The following ITGBL1 variants were observed in gnomAD, a reference collection of about 807,000 sequenced individuals.
ITGBL1 encodes integrin subunit beta like 1.
Under a neutral mutation model 68.5 loss-of-function variants are expected in ITGBL1, and 51 were observed. That is an observed-to-expected ratio of 0.74 (90% confidence interval 0.59 to 0.94). The LOEUF (loss-of-function observed/expected upper bound fraction) is 0.94. Ranked by LOEUF, ITGBL1 falls within the 40% of genes least tolerant of loss-of-function variation. ITGBL1 has a pLI of 0.00. For synonymous variants in ITGBL1, 209 were observed against 227.3 expected (o/e 0.92, Z 0.72); for missense variants, 649 against 647.4 (o/e 1.00, Z -0.03).
At chr13:101,698,577 A>G (rs769307625) in intron 8 of ITGBL1, among the ~76,000 whole-genome samples, 5 of 152,230 alleles carry the variant, frequency 3.3e-5, no homozygotes, top group Non-Finnish European at 5.9e-5. Flanking sequence ...TTCAATCATC[A>G]TAGACTGTCT....
chr13:101,596,739 C>T (rs1189250115), intron 6 of ITGBL1, among the ~76,000 whole-genome samples: 4 of 151,900 alleles, frequency 2.6e-5, no homozygotes, highest in Non-Finnish European at 4.4e-5. Context: ...AATAATATTC[C>T]ATTCTTTGGA....
intron 6 of ITGBL1, among the ~76,000 whole-genome samples, chr13:101,588,317 A>ATGTGTG (rs1566744332): frequency 7.9e-5 from 3 of 38,196 alleles, no homozygotes; most frequent in African/African-American, 2.3e-4. Context: ...GTGTGTGTGC[A>ATGTGTG]TGTGTGTGTA....
At position 101,511,118 on chromosome 13, in the gene ITGBL1, C is replaced by G. The variant is rs539932312; in HGVS notation, c.317-56581C>G. ...TATTTCCTAGATTTTCTTCTAGGAA[C>G]TTTATAGTTTGAGGTCTTACATTCA... On this transcript the variant is annotated intron_variant, in intron 2 of 10. Coordinates refer to ENST00000376180, the MANE Select transcript of ITGBL1 (RefSeq NM_004791.3). Among the ~76,000 whole-genome samples the G allele has an allele frequency of 2.0e-5, 3 of 151,902 alleles. No individual in the cohort carries two copies. In the South Asian group the frequency reaches 6.2e-4, roughly 31 times the overall value.
At chr13:101,680,806 G>A (rs953586408) in intron 7 of ITGBL1, among the ~76,000 whole-genome samples, 1 of 151,978 alleles carries the variant, frequency 6.6e-6, no homozygotes, top group African/African-American at 2.4e-5. Context: ...TTCTTCCAAG[G>A]AATCACATTT....
At chr13:101,522,174 T>C (rs746415757) in intron 2 of ITGBL1, among the ~76,000 whole-genome samples, 22 of 152,170 alleles carry the variant, frequency 1.4e-4, no homozygotes, top group Non-Finnish European at 2.6e-4. Flanking sequence ...CTAAAAGGCC[T>C]TGTCTCTACT....
Position 101,556,054 on chromosome 13 carries a change from T to TA in ITGBL1, c.317-11643dup, listed in dbSNP as rs577472943. ...ATAGTAATAGCTATGATTTGACTGATAAGCAGTGTTCTAAGTGCTTTGTGC... is the reference window on the plus strand; with the variant it reads ...ATAGTAATAGCTATGATTTGACTGATAAAGCAGTGTTCTAAGTGCTTTGTGC... On this transcript the variant is annotated intron_variant, in intron 2 of 10. Transcript: ENST00000376180. 8.5e-5 allele frequency among the ~76,000 whole-genome samples: 13 copies of TA among 152,336 alleles called. No homozygotes were observed. The South Asian group carries it at 2.7e-3, about 32-fold the overall frequency.
At chr13:101,696,617 C>T (rs1191927519) in intron 8 of ITGBL1, among the ~76,000 whole-genome samples, 2 of 152,088 alleles carry the variant, frequency 1.3e-5, no homozygotes, top group South Asian at 4.1e-4. Flanking sequence ...TATAGGAAGC[C>T]TCTCTGAAAT....
chr13:101,635,246 A>G (rs11616706), intron 7 of ITGBL1, among the ~76,000 whole-genome samples: 17 of 152,100 alleles, frequency 1.1e-4, no homozygotes, highest in African/African-American at 3.9e-4. Flanking sequence ...CCTATGGAGC[A>G]AAAGATTTAG....
At chr13:101,487,841 G>C (rs1269128188) in intron 2 of ITGBL1, among the ~76,000 whole-genome samples, 1 of 152,160 alleles carries the variant, frequency 6.6e-6, no homozygotes, top group Admixed American at 6.5e-5. Context: ...TTTCCTTACA[G>C]TTCATTAAGG....
intron 1 of ITGBL1, among the ~76,000 whole-genome samples, 160 bp from the exon 2 acceptor site, chr13:101,453,723 A>T (rs143533386): frequency 6.6e-6 from 1 of 152,108 alleles, no homozygotes; most frequent in African/African-American, 2.4e-5. Flanking sequence ...CAGCCCTTCC[A>T]GGCAGCGCTT....
At chr13:101,715,385 AAGATT>A (rs1314584628) in intron 10 of ITGBL1, 173 bp from the exon 11 acceptor site, 3 of 591,204 alleles carry the variant, frequency 5.1e-6, no homozygotes, top group African/African-American at 3.7e-5. Flanking sequence ...AATTGTTTGA[AAGATT>A]AGATGTCTCG....
chr13:101,588,103 A>G (rs113915726), intron 6 of ITGBL1, among the ~76,000 whole-genome samples: 40 of 152,298 alleles, frequency 2.6e-4, no homozygotes, highest in African/African-American at 9.4e-4. Context: ...TTACAAATAA[A>G]CAAGAAAAAG....
intron 2 of ITGBL1, 74 bp downstream of exon 2, chr13:101,454,174 G>C (rs926703206): frequency 8.7e-7 from 1 of 1,147,024 alleles, no homozygotes; most frequent in Admixed American, 2.7e-5. Flanking sequence ...CTCCCTAGAA[G>C]AGTGAAGGGT....
chr13:101,669,366 A>T (rs2033301834), intron 7 of ITGBL1, among the ~76,000 whole-genome samples: 2 of 152,120 alleles, frequency 1.3e-5, no homozygotes, highest in Non-Finnish European at 2.9e-5. Context: ...AGAAAAATAA[A>T]TGTTTGTGCT....
rs757371230 is a variant in ITGBL1, at chr13:101,673,412, G to A, written c.1016-19173G>A. Among the ~76,000 whole-genome samples, 24 of 152,258 alleles carry A rather than the reference G, an allele frequency of 1.6e-4. 1 individual carries two copies. The highest frequency in any genetic ancestry group is 4.3e-4 in the African/African-American group (18 of 41,546). ...TTAATTCAACCCAGCTATAAGATAC[G>A]AAATGATAGAATTGCTCTAGATTCT... On this transcript the variant is annotated intron_variant, in intron 7 of 10. Coordinates refer to ENST00000376180, the MANE Select transcript of ITGBL1 (RefSeq NM_004791.3).
chr13:101,542,099 T>G (rs1322631775), intron 2 of ITGBL1, among the ~76,000 whole-genome samples: 1 of 152,218 alleles, frequency 6.6e-6, no homozygotes, highest in East Asian at 1.9e-4. Flanking sequence ...TTCTGCTAGC[T>G]TTTGAATGTG....
intron 6 of ITGBL1, among the ~76,000 whole-genome samples, chr13:101,594,278 T>C (rs181070529): frequency 6.6e-6 from 1 of 152,134 alleles, no homozygotes; most frequent in African/African-American, 2.4e-5. Context: ...AATAAACCCA[T>C]ACATTTATAG....
intron 2 of ITGBL1, among the ~76,000 whole-genome samples, chr13:101,558,911 A>ATT (rs2050055635): frequency 6.7e-6 from 1 of 150,172 alleles, no homozygotes; most frequent in Non-Finnish European, 1.5e-5. Flanking sequence ...TTGTGTGTGT[A>ATT]TGTGTGTGTG....
At chr13:101,476,938 A>G (rs1336987551) in intron 2 of ITGBL1, among the ~76,000 whole-genome samples, 1 of 152,188 alleles carries the variant, frequency 6.6e-6, no homozygotes, top group Non-Finnish European at 1.5e-5. Context: ...TGGACAGATC[A>G]TCTAGACAGA....
Sources: allele counts gnomAD v4.1 joint callset (sites outside exome capture counted in the v4.1 genomes callset), GRCh38; gene constraint gnomAD v4.1.1; transcripts MANE v1.5; gene names NCBI Gene and HGNC (gene_info 2026-07-23, HGNC 2026-07-21).